The following MED12L variants were observed in gnomAD, a reference collection of about 807,000 sequenced individuals.
The protein encoded by MED12L is mediator of RNA polymerase II transcription subunit 12-like protein.
MED12L carries 60 observed loss-of-function variants against 281.3 expected under a neutral mutation model. The ratio of observed to expected loss-of-function variants is 0.21; its 90% CI spans 0.17 to 0.26. MED12L has a LOEUF of 0.26. MED12L is among the 10% of genes least tolerant of loss of function. MED12L has a pLI of 1.00. For synonymous variants in MED12L, 974 were observed against 987.2 expected, an observed-to-expected ratio of 0.99 and a Z score of 0.25; for missense variants, 2,146 against 2,680.9, an observed-to-expected ratio of 0.80 and a Z score of 4.41.
chr3:151,254,247 A>G (rs1257598744), intron 16 of MED12L, among the ~76,000 whole-genome samples: 1 of 152,210 alleles, frequency 6.6e-6, no homozygotes, highest in African/African-American at 2.4e-5. Flanking sequence ...ATGAGGATTT[A>G]GCTCACTGTG....
chr3:151,089,209 C>T (rs2148599532), intron 2 of MED12L, among the ~76,000 whole-genome samples: 1 of 152,230 alleles, frequency 6.6e-6, no homozygotes, highest in African/African-American at 2.4e-5. Flanking sequence ...TATATCAAAT[C>T]ATGTTTACAT....
chr3:151,364,017 C>T (rs1754967308), intron 21 of MED12L, among the ~76,000 whole-genome samples: 1 of 152,008 alleles, frequency 6.6e-6, no homozygotes, highest in African/African-American at 2.4e-5. Context: ...AAAAAAAAGC[C>T]ATAGGTCACC....
intron 44 of MED12L, among the ~76,000 whole-genome samples, chr3:151,431,697 A>T (rs1207929215): frequency 6.6e-6 from 1 of 152,184 alleles, no homozygotes; most frequent in Non-Finnish European, 1.5e-5. Flanking sequence ...TATGATTTTT[A>T]TAAAGTGGCA....
chr3:151,359,010 G>C (rs1004682624), intron 20 of MED12L, among the ~76,000 whole-genome samples: 7 of 152,106 alleles, frequency 4.6e-5, no homozygotes, highest in Non-Finnish European at 8.8e-5. Flanking sequence ...TGAGGTTTCA[G>C]GTTATGATTG....
chr3:151,266,183 C>T (rs1389592540), intron 16 of MED12L, among the ~76,000 whole-genome samples: 2 of 152,180 alleles, frequency 1.3e-5, no homozygotes, highest in African/African-American at 4.8e-5. Context: ...TGCCTCTGTG[C>T]CTTTGAGGAA....
chr3:151,429,242 C>G (rs971931714), intron 43 of MED12L, among the ~76,000 whole-genome samples: 1 of 152,216 alleles, frequency 6.6e-6, no homozygotes, highest in African/African-American at 2.4e-5. Flanking sequence ...CCCTCCCAGC[C>G]TCACTGTGCT....
At chr3:151,428,997 G>A (rs1332723233) in intron 43 of MED12L, among the ~76,000 whole-genome samples, 1 of 152,170 alleles carries the variant, frequency 6.6e-6, no homozygotes, top group African/African-American at 2.4e-5. Flanking sequence ...GGAAATAGAT[G>A]TTGCACTGGC....
At chr3:151,308,119 T>A (rs1265001132) in intron 16 of MED12L, among the ~76,000 whole-genome samples, 1 of 152,158 alleles carries the variant, frequency 6.6e-6, no homozygotes, top group Non-Finnish European at 1.5e-5. Flanking sequence ...AAGGTGTAAT[T>A]CATGGCAAGT....
intron 3 of MED12L, among the ~76,000 whole-genome samples, chr3:151,118,694 C>A (rs571784413): frequency 6.7e-6 from 1 of 149,894 alleles, no homozygotes; most frequent in African/African-American, 2.5e-5. Flanking sequence ...ATATTCCTCT[C>A]CCCCAAACCA....
intron 11 of MED12L, among the ~76,000 whole-genome samples, 168 bp from the exon 12 acceptor site, chr3:151,185,162 A>AT (rs1324871746): frequency 6.6e-6 from 1 of 152,090 alleles, no homozygotes; most frequent in Non-Finnish European, 1.5e-5. Context: ...GTATAGGTTT[A>AT]TTTTTTGTAT....
At position 151,379,548 on chromosome 3, in the gene MED12L, A is replaced by C. The variant is rs144352844; in HGVS notation, c.4479-565A>C. ...AGCCTGTGGGCTGTGTTGGAGCTGC[A>C]CACTAGGGGTCGCCAGCAAGTACAC... On this transcript the variant is annotated intron_variant, in intron 31 of 44. Transcript: ENST00000687756. Among the ~76,000 whole-genome samples the C allele has an allele frequency of 8.0e-3, 1,220 of 152,324 alleles. 14 individuals are homozygous for C. The highest frequency in any genetic ancestry group is 0.068 in the Middle Eastern group (20 of 294).
chr3:151,202,315 GCAA>G (rs1444494630), intron 16 of MED12L, among the ~76,000 whole-genome samples: 2 of 152,244 alleles, frequency 1.3e-5, no homozygotes, highest in Non-Finnish European at 2.9e-5. Flanking sequence ...AAGTAGTGCA[GCAA>G]CAACAATACA....
chr3:151,416,193 G>C lies in MED12L; in HGVS notation c.6298-119G>C. 1.9e-6 allele frequency: 3 copies of C among 1,543,554 alleles called. No homozygotes were observed. The South Asian group carries it at 3.5e-5, about 18-fold the overall frequency. ...CAGCAAGGTAGAGATGCAGCAGGCAGGTATATATTGTTTTTACTACAACAT... is the reference window on the plus strand; with the variant it reads ...CAGCAAGGTAGAGATGCAGCAGGCACGTATATATTGTTTTTACTACAACAT... On this transcript the variant is annotated intron_variant, in intron 42 of 44. Coordinates refer to ENST00000687756, the MANE Select transcript of MED12L (RefSeq NM_001393769.1).
At chr3:151,310,017 C>T (rs945962204) in intron 16 of MED12L, among the ~76,000 whole-genome samples, 5 of 152,226 alleles carry the variant, frequency 3.3e-5, no homozygotes, top group African/African-American at 1.2e-4. Context: ...GGAAGAAGGC[C>T]TGATCAAACC....
intron 16 of MED12L, among the ~76,000 whole-genome samples, chr3:151,341,927 A>G (rs931444211): frequency 8.9e-4 from 136 of 152,252 alleles, no homozygotes; most frequent in South Asian, 1.0e-3. Flanking sequence ...TTATGGCTGC[A>G]TAGTATTCCA....
chr3:151,097,491 C>A (rs1720869851), intron 2 of MED12L, among the ~76,000 whole-genome samples: 1 of 152,192 alleles, frequency 6.6e-6, no homozygotes, highest in South Asian at 2.1e-4. Context: ...TGACTTCCAA[C>A]CCAGTGCCTG....
At chr3:151,349,817 C>T (rs1395721405) in intron 16 of MED12L, among the ~76,000 whole-genome samples, 2 of 150,596 alleles carry the variant, frequency 1.3e-5, no homozygotes, top group Non-Finnish European at 3.0e-5. Context: ...ACGCCCACAT[C>T]AAGTGCTTCT....
rs547300516 is a variant in MED12L at position 151,261,402 on chromosome 3, G to C, written c.2250+67736G>C. 6.6e-5 allele frequency: 10 copies of C among 152,260 alleles called. No homozygotes were observed. The East Asian group carries it at 1.9e-3, about 29-fold the overall frequency. The allele number at this position is 152,260 out of a possible 1,614,324, so 9.4% of individuals were successfully genotyped here. On this transcript the variant is annotated intron_variant, in intron 16 of 44. Transcript: ENST00000687756. Reference sequence around the variant, plus strand: ...TGTAGCCTACCTGGAATTGTGGAGGGTAAGAGGGATGGTGGCCATGGCTTG... The same window carrying C: ...TGTAGCCTACCTGGAATTGTGGAGGCTAAGAGGGATGGTGGCCATGGCTTG...
chr3:151,131,523 C>T (rs1442979085), intron 5 of MED12L, among the ~76,000 whole-genome samples: 1 of 152,080 alleles, frequency 6.6e-6, no homozygotes, highest in Non-Finnish European at 1.5e-5. Context: ...GAGGGGATAG[C>T]TTGAGTCTAG....
Sources: gnomAD v4.1 joint callset for allele counts (sites outside exome capture counted in the v4.1 genomes callset) on GRCh38, gnomAD v4.1.1 for gene constraint, MANE v1.5 for transcripts, NCBI Gene and HGNC (gene_info 2026-07-23, HGNC 2026-07-21) for gene names.